The following DCC variants were observed in gnomAD, a reference collection of about 807,000 sequenced individuals.
The protein encoded by DCC is netrin receptor DCC.
DCC carries 58 observed loss-of-function variants against 172.5 expected under a neutral mutation model. That is an observed-to-expected ratio of 0.34 (90% CI 0.27 to 0.42). The LOEUF (loss-of-function observed/expected upper bound fraction) is 0.42. Ranked by LOEUF, DCC falls within the 10% of genes least tolerant of loss-of-function variation. DCC has a pLI of 1.00. For synonymous variants in DCC, 709 were observed against 644.5 expected (o/e 1.10, Z -1.52); for missense variants, 1,740 against 1,791.0 (o/e 0.97, Z 0.51).
chr18:53,440,237 A>T (rs958626846), intron 22 of DCC, among the ~76,000 whole-genome samples: 3 of 152,178 alleles, frequency 2.0e-5, no homozygotes, highest in African/African-American at 7.2e-5. Context: ...ATAAAATGGC[A>T]ATTTCCTTTT....
intron 27 of DCC, among the ~76,000 whole-genome samples, chr18:53,524,322 A>G (rs143919650): frequency 0.018 from 2,694 of 152,122 alleles, 96 homozygotes; most frequent in African/African-American, 0.062. Flanking sequence ...GAAAATGTTC[A>G]TAATGAAAAC....
intron 2 of DCC, among the ~76,000 whole-genome samples, chr18:52,875,072 T>C (rs985837326): frequency 2.6e-5 from 4 of 152,112 alleles, no homozygotes; most frequent in Non-Finnish European, 5.9e-5. Flanking sequence ...TGGCTTTAGA[T>C]TGGTTGATTT....
intron 5 of DCC, among the ~76,000 whole-genome samples, chr18:52,925,645 GT>G (rs1381892420): frequency 6.6e-6 from 1 of 151,628 alleles, no homozygotes; most frequent in East Asian, 1.9e-4. Context: ...AATGGCAGAT[GT>G]GTTGAATAAT....
intron 2 of DCC, among the ~76,000 whole-genome samples, chr18:52,882,466 C>T (rs530935603): frequency 1.4e-4 from 21 of 151,786 alleles, no homozygotes; most frequent in South Asian, 8.4e-4. Context: ...GTATCTCACA[C>T]GTTTTGGAAT....
chr18:52,928,855 A>G (rs1034205525), intron 5 of DCC, among the ~76,000 whole-genome samples: 1 of 152,132 alleles, frequency 6.6e-6, no homozygotes, highest in Admixed American at 6.6e-5. Flanking sequence ...CCATCTGGAC[A>G]TGGGCAGTGT....
intron 7 of DCC, among the ~76,000 whole-genome samples, chr18:53,103,141 G>A (rs1223266996): frequency 6.6e-6 from 1 of 151,892 alleles, no homozygotes; most frequent in African/African-American, 2.4e-5. Flanking sequence ...ATATCACCAT[G>A]CAAAATTCCG....
chr18:53,459,181 A>G, intron 23 of DCC, 51 bp from the exon 24 acceptor site: 1 of 1,342,446 alleles, frequency 7.4e-7, no homozygotes, highest in Non-Finnish European at 1.1e-6. Flanking sequence ...AAAGAAAGGA[A>G]GTGCCATTGA....
At chr18:52,634,245 GTT>G (rs1421878158) in intron 1 of DCC, among the ~76,000 whole-genome samples, 1 of 152,176 alleles carries the variant, frequency 6.6e-6, no homozygotes, top group Non-Finnish European at 1.5e-5. Context: ...ATTTTAATCG[GTT>G]AGGCACTTTT....
chr18:52,532,188 T>C (rs996105849), intron 1 of DCC, among the ~76,000 whole-genome samples: 3 of 152,166 alleles, frequency 2.0e-5, no homozygotes, highest in Non-Finnish European at 4.4e-5. Context: ...TCTAGTTTCT[T>C]CTATTATAGG....
chr18:52,383,569 A>G (rs11877175), intron 1 of DCC, among the ~76,000 whole-genome samples: 14,094 of 152,072 alleles, frequency 0.093, 796 homozygotes, highest in Middle Eastern at 0.16. Flanking sequence ...GTGTCAAATA[A>G]ACTTTCATCT....
At chr18:52,957,646 G>A (rs540691298) in intron 5 of DCC, among the ~76,000 whole-genome samples, 1 of 152,112 alleles carries the variant, frequency 6.6e-6, no homozygotes, top group African/African-American at 2.4e-5. Context: ...ACAGAGGAAG[G>A]CTCTCTCACT....
intron 1 of DCC, among the ~76,000 whole-genome samples, chr18:52,467,307 T>C (rs1988815179): frequency 6.6e-6 from 1 of 152,160 alleles, no homozygotes. Context: ...TTTGGTTTTC[T>C]GTTCCTGTGT....
At chr18:52,623,641 G>C (rs937705580) in intron 1 of DCC, among the ~76,000 whole-genome samples, 4 of 152,166 alleles carry the variant, frequency 2.6e-5, no homozygotes, top group Admixed American at 1.3e-4. Context: ...GGATTACATA[G>C]ATTGGTTTAT....
At chr18:52,683,296 A>T (rs931061860) in intron 1 of DCC, among the ~76,000 whole-genome samples, 3 of 152,106 alleles carry the variant, frequency 2.0e-5, no homozygotes, top group Admixed American at 6.6e-5. Flanking sequence ...TGAAATATGT[A>T]AAACTGCTAC....
chr18:52,788,729 C>G (rs889263868), intron 2 of DCC, among the ~76,000 whole-genome samples: 2 of 152,068 alleles, frequency 1.3e-5, no homozygotes, highest in African/African-American at 2.4e-5. Flanking sequence ...AGGGCGGAGC[C>G]CTTGGAGGAA....
At chr18:53,106,791 G>T (rs535569099) in intron 7 of DCC, among the ~76,000 whole-genome samples, 13 of 151,914 alleles carry the variant, frequency 8.6e-5, no homozygotes, top group African/African-American at 3.1e-4. Flanking sequence ...GAAAGAATGT[G>T]CCCACCTTAG....
chr18:53,206,161 A>ATAATGTATATG (rs1365509210), intron 10 of DCC, among the ~76,000 whole-genome samples: 35 of 142,748 alleles, frequency 2.5e-4, no homozygotes, highest in African/African-American at 8.1e-4. Flanking sequence ...TATAATACAT[A>ATAATGTATATG]TATACATATA....
chr18:53,340,689 G>C (rs1173889142), intron 15 of DCC, among the ~76,000 whole-genome samples: 1 of 152,120 alleles, frequency 6.6e-6, no homozygotes, highest in Admixed American at 6.6e-5. Context: ...TATTAACACA[G>C]AGAAATAAAG....
At chr18:52,705,229 T>C (rs2036186276) in intron 1 of DCC, among the ~76,000 whole-genome samples, 2 of 152,182 alleles carry the variant, frequency 1.3e-5, no homozygotes, top group Non-Finnish European at 2.9e-5. Flanking sequence ...CAGATGAAGA[T>C]GAGTCTCCTA....
Sources: allele counts gnomAD v4.1 joint callset (sites outside exome capture counted in the v4.1 genomes callset), GRCh38; gene constraint gnomAD v4.1.1; transcripts MANE v1.5; gene names NCBI Gene and HGNC (gene_info 2026-07-23, HGNC 2026-07-21).